ZC3H14: variants seen among roughly 807,000 people sequenced by gnomAD.
ZC3H14 encodes the protein zinc finger CCCH domain-containing protein 14.
Under a neutral mutation model 92.4 loss-of-function variants are expected in ZC3H14, and 31 were observed. The ratio of observed to expected loss-of-function variants is 0.34; its 90% CI spans 0.25 to 0.45. The LOEUF (loss-of-function observed/expected upper bound fraction) is 0.45. ZC3H14 is among the 20% of genes least tolerant of loss of function. The pLI is 1.00. For synonymous variants in ZC3H14, 321 were observed against 300.9 expected (o/e 1.07, Z -0.69); for missense variants, 781 against 897.3 (o/e 0.87, Z 1.66).
At chr14:88,581,407 A>G (rs1002192347) in intron 9 of ZC3H14, among the ~76,000 whole-genome samples, 6 of 151,904 alleles carry the variant, frequency 3.9e-5, no homozygotes, top group Non-Finnish European at 7.4e-5. Context: ...AAAAATACAA[A>G]AAAATTAGCT....
chr14:88,611,883 T>TATCTA lies in ZC3H14; in HGVS notation c.*133_*137dup, dbSNP rs1405192360. On this transcript the variant is annotated 3_prime_UTR_variant, in exon 17 of 17. Coordinates refer to ENST00000251038, the MANE Select transcript of ZC3H14 (RefSeq NM_024824.5). ...TTTCATAATATGAAGTTTTATTGCCTATCTATCTGAAGTGTCTAATTTTTC... is the reference window on the plus strand; with the variant it reads ...TTTCATAATATGAAGTTTTATTGCCTATCTAATCTATCTGAAGTGTCTAATTTTTC... 32 of 1,261,032 alleles carry TATCTA rather than the reference T, an allele frequency of 2.5e-5. No homozygotes were observed. The East Asian group carries it at 5.8e-4, about 23-fold the overall frequency. The allele number at this position is 1,261,032 out of a possible 1,614,324, so 78.1% of individuals were successfully genotyped here. A position where few individuals can be genotyped will look rare whatever the true frequency, so the allele number is the denominator to read the frequency against.
chr14:88,578,143 A>G lies in ZC3H14; in HGVS notation c.1279+3A>G, dbSNP rs2081403569. 6.2e-7 allele frequency: 1 copy of G among 1,613,762 alleles called. No homozygotes were observed. Among genetic ancestry groups the G allele is most frequent in the African/African-American group, 1.3e-5 (1 of 74,870 alleles). On this transcript the variant is annotated splice_donor_region_variant and intron_variant, in intron 9 of 16. Coordinates refer to ENST00000251038, the MANE Select transcript of ZC3H14 (RefSeq NM_024824.5). ...AGATTCTGTAGAAAAAAATCAAGGT[A>G]ATAACTTAAATGATGTTTCACTCTT...
Position 88,611,811 on chromosome 14 carries a change from G to C in ZC3H14, c.*60G>C. 1 of 1,608,530 alleles carries C rather than the reference G, an allele frequency of 6.2e-7. No homozygotes were observed. The highest frequency in any genetic ancestry group is 8.5e-7 in the Non-Finnish European group (1 of 1,175,346). On this transcript the variant is annotated 3_prime_UTR_variant, in exon 17 of 17. Coordinates refer to ENST00000251038, the MANE Select transcript of ZC3H14 (RefSeq NM_024824.5). ...TGGAAGTTTTCATGTACTGATGAAA[G>C]ATACTCTACAGAACTTGTCAAATCT...
At position 88,618,896 on chromosome 14, in the gene ZC3H14, C is replaced by A; in HGVS notation, c.*7145C>A. ...GATCAGTGACTTTTCCTTTCTAGTT[C>A]TTAAAAGTAACGTGTGATAAGGCCT... is the stretch of plus-strand genomic sequence containing the variant. On this transcript the variant is annotated 3_prime_UTR_variant, in exon 17 of 17. Coordinates refer to ENST00000251038, the MANE Select transcript of ZC3H14 (RefSeq NM_024824.5). 1 of 1,402,666 alleles carries A rather than the reference C, an allele frequency of 7.1e-7. No individual in the cohort carries two copies. Among genetic ancestry groups the A allele is most frequent in the South Asian group, 1.6e-5 (1 of 64,158 alleles). 86.9% of individuals were successfully genotyped at this position (1,402,666 alleles called of 1,614,324 possible).
At chr14:88,604,843 C>T (rs1365052641) in intron 12 of ZC3H14, among the ~76,000 whole-genome samples, 1 of 152,108 alleles carries the variant, frequency 6.6e-6, no homozygotes, top group Admixed American at 6.6e-5. Flanking sequence ...ATCCACCAAC[C>T]TCGGCCTCCC....
At position 88,614,540 on chromosome 14, in the gene ZC3H14, A is replaced by G. The variant is rs993665946; in HGVS notation, c.*2789A>G. Reference sequence around the variant, plus strand: ...TTCCAGGAACCTAAAGCGATCTATTATGCTATAAAGATAATTAACACATTA... The same window carrying G: ...TTCCAGGAACCTAAAGCGATCTATTGTGCTATAAAGATAATTAACACATTA... On this transcript the variant is annotated 3_prime_UTR_variant, in exon 17 of 17. Transcript: ENST00000251038. 2 of 152,230 alleles carry G rather than the reference A, an allele frequency of 1.3e-5. No homozygotes were observed. The highest frequency in any genetic ancestry group is 4.8e-5 in the African/African-American group (2 of 41,466). 9.4% of individuals were successfully genotyped at this position (152,230 alleles called of 1,614,324 possible).
At position 88,627,303 on chromosome 14, in the gene ZC3H14, T is replaced by C; in HGVS notation, c.*15552T>C. The C allele has an allele frequency of 1.9e-6, 1 of 515,724 alleles. No homozygotes were observed. The highest frequency in any genetic ancestry group is 3.2e-5 in the East Asian group (1 of 30,954). 31.9% of individuals were successfully genotyped at this position (515,724 alleles called of 1,614,324 possible). A position where few individuals can be genotyped will look rare whatever the true frequency, so the allele number is the denominator to read the frequency against. On this transcript the variant is annotated 3_prime_UTR_variant, in exon 17 of 17. Coordinates refer to ENST00000251038, the MANE Select transcript of ZC3H14 (RefSeq NM_024824.5). ...AGTGTGGTAGGTAATATTATCCTGC[T>C]GATCTGCCATTATCATTAGAAATAT...
chr14:88,590,662 T>C (rs116350338), intron 9 of ZC3H14: 1 of 152,388 alleles, frequency 6.6e-6, no homozygotes, highest in African/African-American at 2.4e-5. Flanking sequence ...AACGTAGGTC[T>C]TTATGTTTTA....
Position 88,615,938 on chromosome 14 carries a change from A to G in ZC3H14, c.*4187A>G. The G allele has an allele frequency of 6.8e-7, 1 of 1,467,416 alleles. No homozygotes were observed. The highest frequency in any genetic ancestry group is 9.3e-7 in the Non-Finnish European group (1 of 1,075,894). The allele number at this position is 1,467,416 out of a possible 1,614,324, so 90.9% of individuals were successfully genotyped here. On this transcript the variant is annotated 3_prime_UTR_variant, in exon 17 of 17. Transcript: ENST00000251038. ...TTTAATATTTTTCAGTTGTGCTTTC[A>G]GGTTACATGTGTAATATTTTTCCTC...
chr14:88,563,683 A>G lies in ZC3H14; in HGVS notation c.69A>G (p.Gly23=). 1 of 1,614,156 alleles carries G rather than the reference A, an allele frequency of 6.2e-7. No individual in the cohort carries two copies. The change falls in exon 2 of 17, where the codon GGA becomes GGG. Residue 23 remains glycine, a synonymous_variant. Coordinates refer to ENST00000251038, the MANE Select transcript of ZC3H14 (RefSeq NM_024824.5). ...SAIKGKLQEL[G]AYVDEELPDY... ...TTAAGGGGAAATTACAAGAATTAGG[A>G]GCTTATGTTGGTAAGTGTTTTTTTG...
intron 4 of ZC3H14, 98 bp from the exon 5 acceptor site, chr14:88,571,932 C>G (rs2080465626): frequency 2.9e-6 from 3 of 1,038,064 alleles, no homozygotes; most frequent in Non-Finnish European, 4.0e-6. Context: ...CCACTGCCCT[C>G]CAGCCTGGCG....
chr14:88,576,751 C>T (rs2081214571), intron 8 of ZC3H14, among the ~76,000 whole-genome samples: 1 of 152,080 alleles, frequency 6.6e-6, no homozygotes, highest in Admixed American at 6.5e-5. Context: ...TTTGTGACCC[C>T]CCTTCCTAAA....
chr14:88,627,489 GA>G lies in ZC3H14; in HGVS notation c.*15741del. 1.5e-6 allele frequency: 1 copy of G among 652,932 alleles called. No individual in the cohort carries two copies. Among genetic ancestry groups the G allele is most frequent in the Non-Finnish European group, 2.4e-6 (1 of 412,242 alleles). The allele number at this position is 652,932 out of a possible 1,614,324, so 40.4% of individuals were successfully genotyped here. A position where few individuals can be genotyped will look rare whatever the true frequency, so the allele number is the denominator to read the frequency against. On this transcript the variant is annotated 3_prime_UTR_variant, in exon 17 of 17. Coordinates refer to ENST00000251038, the MANE Select transcript of ZC3H14 (RefSeq NM_024824.5). The stretch of plus-strand genomic sequence containing the variant: ...TACAGTTCCACTGGGCTTTTAAAGT[GA>G]AATATACCTACAGTACCACTGTGTA...
intron 9 of ZC3H14, among the ~76,000 whole-genome samples, chr14:88,595,935 T>A (rs1173032755): frequency 1.3e-5 from 2 of 152,214 alleles, no homozygotes; most frequent in Non-Finnish European, 2.9e-5. Flanking sequence ...GTGCCTGATG[T>A]CTGCTAAGCG....
intron 7 of ZC3H14, 107 bp from the exon 8 acceptor site, chr14:88,575,733 G>A: frequency 2.2e-6 from 2 of 891,456 alleles, no homozygotes; most frequent in Non-Finnish European, 3.5e-6. Context: ...ACTGCAGCTA[G>A]TCTGTTTAAA....
In ZC3H14 at chr14:88,575,959, G is replaced by A. The variant is rs1332963716; in HGVS notation, c.1123+19G>A. The A allele has an allele frequency of 1.3e-6, 2 of 1,559,874 alleles. No individual in the cohort carries two copies. The highest frequency in any genetic ancestry group is 1.8e-6 in the Non-Finnish European group (2 of 1,131,796). ...TCTACAGGTAATTTAAATGTATTAT[G>A]TTTACACTTGGTAAGACATTTCTGT... On this transcript the variant is annotated intron_variant, in intron 8 of 16. Coordinates refer to ENST00000251038, the MANE Select transcript of ZC3H14 (RefSeq NM_024824.5).
In ZC3H14 at chr14:88,621,091, TA is replaced by T. The variant is rs749912684; in HGVS notation, c.*9347del. The stretch of plus-strand genomic sequence containing the variant: ...TCTTTTTAGAAGTTGTAACCTCTTT[TA>T]AAAAAATTATCTGTACTTACTTTAT... On this transcript the variant is annotated 3_prime_UTR_variant, in exon 17 of 17. Coordinates refer to ENST00000251038, the MANE Select transcript of ZC3H14 (RefSeq NM_024824.5). 2.5e-6 allele frequency: 4 copies of T among 1,599,202 alleles called. No homozygotes were observed. The Admixed American group carries it at 5.2e-5, about 21-fold the overall frequency.
At position 88,574,797 on chromosome 14, in the gene ZC3H14, G is replaced by A. The variant is rs775126082; in HGVS notation, c.966G>A (p.Gly322=). ...AGGAGGAAGAAGATGATGATTACGG[G>A]TCTCGAACAGGAAGCATCTCCAGCA... The part of the protein sequence containing the change: ...GEEEEEDDDY[G]SRTGSISSSV... The change falls in exon 7 of 17, where the codon GGG becomes GGA. Residue 322 remains glycine, a synonymous_variant. Coordinates refer to ENST00000251038, the MANE Select transcript of ZC3H14 (RefSeq NM_024824.5). 1 of 1,614,156 alleles carries A rather than the reference G, an allele frequency of 6.2e-7. No homozygotes were observed. The highest frequency in any genetic ancestry group is 2.2e-5 in the East Asian group (1 of 44,876).
At chr14:88,593,112 C>T (rs537973203) in intron 9 of ZC3H14, among the ~76,000 whole-genome samples, 5 of 151,876 alleles carry the variant, frequency 3.3e-5, no homozygotes, top group African/African-American at 7.3e-5. Flanking sequence ...GGATAACAGG[C>T]GTGCGCCACC....
Sources: allele counts gnomAD v4.1 joint callset (sites outside exome capture counted in the v4.1 genomes callset), GRCh38; gene constraint gnomAD v4.1.1; transcripts MANE v1.5; gene names NCBI Gene and HGNC (gene_info 2026-07-23, HGNC 2026-07-21).